MAGI2: variants seen among roughly 807,000 people sequenced by gnomAD.
MAGI2 encodes the protein membrane associated guanylate kinase, WW and PDZ domain containing 2.
In MAGI2, 35 loss-of-function variants were observed where a neutral mutation model predicts 133.3. That is an observed-to-expected ratio of 0.26 (90% CI 0.20 to 0.35). The LOEUF (loss-of-function observed/expected upper bound fraction) is 0.35, where lower values mean the gene tolerates loss of function less well. MAGI2 is among the 10% of genes least tolerant of loss of function. The pLI is 1.00. For missense variants in MAGI2, 1,636 were observed against 1,863.4 expected, an observed-to-expected ratio of 0.88 and a Z score of 2.25; for synonymous variants, 729 against 710.6, an observed-to-expected ratio of 1.03 and a Z score of -0.41.
chr7:78,035,715 CT>C (rs1810144862), intron 21 of MAGI2, among the ~76,000 whole-genome samples: 1 of 151,554 alleles, frequency 6.6e-6, no homozygotes, highest in African/African-American at 2.4e-5. Flanking sequence ...AAAATACACC[CT>C]CTTATTTGAC....
At chr7:78,243,936 A>G (rs183572222) in intron 10 of MAGI2, among the ~76,000 whole-genome samples, 66 of 152,180 alleles carry the variant, frequency 4.3e-4, no homozygotes, top group African/African-American at 1.5e-3. Context: ...TAGGCTGGGC[A>G]TCAGCCAATA....
chr7:78,982,233 A>G (rs112806321), intron 2 of MAGI2, among the ~76,000 whole-genome samples: 112 of 152,060 alleles, frequency 7.4e-4, no homozygotes, highest in South Asian at 6.2e-3. Flanking sequence ...TAAAAATTAT[A>G]TTTTAACTAG....
intron 21 of MAGI2, among the ~76,000 whole-genome samples, chr7:78,047,485 C>A (rs1811553437): frequency 1.3e-5 from 2 of 152,084 alleles, no homozygotes; most frequent in South Asian, 4.2e-4. Context: ...CTTCTTACAC[C>A]CCCACATCTC....
At chr7:78,212,760 C>T (rs1038996277) in intron 10 of MAGI2, among the ~76,000 whole-genome samples, 1 of 152,206 alleles carries the variant, frequency 6.6e-6, no homozygotes, top group Non-Finnish European at 1.5e-5. Flanking sequence ...TTACTGCAGC[C>T]TTGACTTACT....
chr7:78,500,673 T>C (rs1015253298), intron 5 of MAGI2, among the ~76,000 whole-genome samples: 38 of 152,208 alleles, frequency 2.5e-4, no homozygotes, highest in Admixed American at 2.0e-3. Context: ...CACTACAGTT[T>C]CCTTAGCAAG....
intron 9 of MAGI2, among the ~76,000 whole-genome samples, chr7:78,312,872 C>T (rs1236841509): frequency 1.3e-5 from 2 of 151,312 alleles, no homozygotes; most frequent in South Asian, 2.1e-4. Context: ...TACAATCCCA[C>T]TCCTGGGTAT....
At chr7:78,020,013 C>G (rs1808196597) in intron 21 of MAGI2, 37 bp from the exon 22 acceptor site, 2 of 1,547,598 alleles carry the variant, frequency 1.3e-6, no homozygotes, top group East Asian at 4.8e-5. Flanking sequence ...CAGTGGCGCA[C>G]GCAGGACGTC....
intron 3 of MAGI2, among the ~76,000 whole-genome samples, chr7:78,570,035 T>C (rs1342019779): frequency 6.6e-6 from 1 of 152,222 alleles, no homozygotes; most frequent in African/African-American, 2.4e-5. Context: ...TTTTAATTCT[T>C]TTGTCAATGG....
chr7:79,354,176 G>A (rs1343600464), intron 1 of MAGI2: 1 of 152,204 alleles, frequency 6.6e-6, no homozygotes, highest in Non-Finnish European at 1.5e-5. Flanking sequence ...AAGAGACCAA[G>A]TAGCACCAGA....
intron 2 of MAGI2, among the ~76,000 whole-genome samples, chr7:78,956,264 A>G (rs2115670063): frequency 6.6e-6 from 1 of 152,278 alleles, no homozygotes; most frequent in South Asian, 2.1e-4. Flanking sequence ...TTGTCTCATC[A>G]TATTTGCATT....
intron 7 of MAGI2, among the ~76,000 whole-genome samples, chr7:78,357,886 C>T (rs184100033): frequency 4.6e-4 from 70 of 151,590 alleles, no homozygotes; most frequent in African/African-American, 1.7e-3. Flanking sequence ...CTATGATTCA[C>T]CCATTTTTAT....
chr7:78,390,709 T>G (rs555279299), intron 6 of MAGI2, among the ~76,000 whole-genome samples: 1 of 152,304 alleles, frequency 6.6e-6, no homozygotes, highest in Admixed American at 6.5e-5. Context: ...GTGCTACTTC[T>G]GTTTCTACTG....
chr7:78,468,225 A>C (rs1019373515), intron 6 of MAGI2, among the ~76,000 whole-genome samples: 4 of 152,156 alleles, frequency 2.6e-5, no homozygotes, highest in Admixed American at 2.6e-4. Context: ...TAATATATGG[A>C]AAGATTCTAT....
chr7:78,666,987 A>G (rs1278926587), intron 2 of MAGI2, among the ~76,000 whole-genome samples: 1 of 152,142 alleles, frequency 6.6e-6, no homozygotes, highest in Non-Finnish European at 1.5e-5. Flanking sequence ...TGGAGACTAT[A>G]TTTTAACTCA....
At chr7:78,826,227 G>C (rs770489604) in intron 2 of MAGI2, among the ~76,000 whole-genome samples, 7 of 151,622 alleles carry the variant, frequency 4.6e-5, no homozygotes, top group Non-Finnish European at 8.8e-5. Context: ...GGTGGCAGGC[G>C]CCTGTAGTCC....
In MAGI2 at chr7:78,477,258, A is replaced by T. The variant is rs184626424; in HGVS notation, c.1045+12503T>A. ...TTTAGCACTTACAGAGATTGTTCCAACATTATGTGGACTACAGTGAGCATT... is the reference window on the plus strand; with the variant it reads ...TTTAGCACTTACAGAGATTGTTCCATCATTATGTGGACTACAGTGAGCATT... On this transcript the variant is annotated intron_variant, in intron 6 of 21. Coordinates refer to ENST00000354212, the MANE Select transcript of MAGI2 (RefSeq NM_012301.4). Among the ~76,000 whole-genome samples, 5 of 152,138 alleles carry T rather than the reference A, an allele frequency of 3.3e-5. No individual in the cohort carries two copies. In the East Asian group the frequency reaches 9.7e-4, roughly 30 times the overall value.
intron 2 of MAGI2, among the ~76,000 whole-genome samples, chr7:78,876,543 C>T (rs879319830): frequency 5.2e-4 from 79 of 151,858 alleles, no homozygotes; most frequent in Non-Finnish European, 9.0e-4. Context: ...TAAAGAGAAT[C>T]GTGACCAAGT....
chr7:78,104,072 C>G (rs1818437970), intron 20 of MAGI2, among the ~76,000 whole-genome samples: 1 of 152,148 alleles, frequency 6.6e-6, no homozygotes, highest in African/African-American at 2.4e-5. Flanking sequence ...TACAATACTC[C>G]TGGGAGGTGT....
In MAGI2 at chr7:78,476,754, T is replaced by C. The variant is rs138527232; in HGVS notation, c.1045+13007A>G. ...CCTGGTAGATATGGGTCTTTAACAG[T>C]AACATGGATAGCTGTGTGACTGGCA... On this transcript the variant is annotated intron_variant, in intron 6 of 21. Coordinates refer to ENST00000354212, the MANE Select transcript of MAGI2 (RefSeq NM_012301.4). 2.0e-4 allele frequency among the ~76,000 whole-genome samples: 31 copies of C among 152,092 alleles called. No individual in the cohort carries two copies. In the East Asian group the frequency reaches 6.0e-3, roughly 30 times the overall value.
Sources: allele counts gnomAD v4.1 joint callset (sites outside exome capture counted in the v4.1 genomes callset), GRCh38; gene constraint gnomAD v4.1.1; transcripts MANE v1.5; gene names NCBI Gene and HGNC (gene_info 2026-07-23, HGNC 2026-07-21).